Variants in MOB3B observed in about 807,000 individuals in gnomAD.
MOB3B encodes the protein MOB kinase activator 3B, also known as MOB kinase activator-like 2B.
A neutral mutation model predicts 18.7 loss-of-function variants in MOB3B; 7 were observed. The observed-to-expected ratio is 0.37, with a 90% confidence interval of 0.21 to 0.70. The LOEUF (loss-of-function observed/expected upper bound fraction) is 0.70, where lower values mean the gene tolerates loss of function less well. Among genes scored for constraint, MOB3B ranks in the 30% least tolerant of loss-of-function variants. MOB3B has a pLI of 0.52. For synonymous variants in MOB3B, 111 were observed against 99.9 expected, an observed-to-expected ratio of 1.11 and a Z score of -0.66; for missense variants, 253 against 281.3, an observed-to-expected ratio of 0.90 and a Z score of 0.72.
At chr9:27,389,700 A>C (rs1013785094) in intron 2 of MOB3B, among the ~76,000 whole-genome samples, 11 of 152,190 alleles carry the variant, frequency 7.2e-5, no homozygotes, top group African/African-American at 2.4e-4. Context: ...TTTATTCATT[A>C]ATGTATATGC....
intron 2 of MOB3B, among the ~76,000 whole-genome samples, chr9:27,386,916 G>A (rs1110156): frequency 0.016 from 2,461 of 152,256 alleles, 59 homozygotes; most frequent in East Asian, 0.12. Flanking sequence ...GCATGTGAAC[G>A]CAGCACACCT....
rs12552935 is a variant in MOB3B at position 27,506,275 on chromosome 9, G to T, written c.-199+23280C>A. ...TTTATTTAATATCCCCAATTAAGAG[G>T]CTTTTAATTCATGTTTAACATATTT... On this transcript the variant is annotated intron_variant, in intron 1 of 3. Transcript: ENST00000262244. 8.4e-3 allele frequency among the ~76,000 whole-genome samples: 1,274 copies of T among 152,130 alleles called. 13 individuals carry two copies. Among genetic ancestry groups the T allele is most frequent in the Non-Finnish European group, 0.014 (966 of 67,992 alleles).
chr9:27,438,453 A>G (rs1339165846), intron 2 of MOB3B, among the ~76,000 whole-genome samples: 1 of 152,202 alleles, frequency 6.6e-6, no homozygotes, highest in Non-Finnish European at 1.5e-5. Context: ...CAAGAGGATG[A>G]GGCAGGTGCC....
chr9:27,368,273 C>T (rs935585443), intron 2 of MOB3B, among the ~76,000 whole-genome samples: 1 of 151,892 alleles, frequency 6.6e-6, no homozygotes, highest in Non-Finnish European at 1.5e-5. Flanking sequence ...TTCTCTTGCC[C>T]CTTCATCCAT....
intron 3 of MOB3B, chr9:27,358,742 T>A (rs1821228756): frequency 1.7e-6 from 1 of 587,548 alleles, no homozygotes; most frequent in Admixed American, 2.0e-5. Context: ...ATTCAATAAG[T>A]GGAAGAATGA....
At position 27,444,187 on chromosome 9, in the gene MOB3B, GAAA is replaced by G. The variant is rs1563870128; in HGVS notation, c.418+10943_418+10945del. ...GGAAGGAAGGAAAGAAGGAAGGAAA[GAAA>G]GAAAGAAAGAAAAAGAAAGAAAGAA... is the stretch of plus-strand genomic sequence containing the variant. On this transcript the variant is annotated intron_variant, in intron 2 of 3. Transcript: ENST00000262244. 5.0e-3 allele frequency among the ~76,000 whole-genome samples: 703 copies of G among 140,554 alleles called. 6 individuals are homozygous for G. The highest frequency in any genetic ancestry group is 0.018 in the African/African-American group (686 of 37,808). 92.2% of individuals were successfully genotyped at this position (140,554 alleles called of 152,430 possible).
At chr9:27,337,257 G>A (rs972202463) in intron 3 of MOB3B, among the ~76,000 whole-genome samples, 2 of 152,238 alleles carry the variant, frequency 1.3e-5, no homozygotes, top group African/African-American at 4.8e-5. Context: ...CTTTCTGGAA[G>A]CCTTTCGTCT....
At chr9:27,509,049 C>T (rs531269068) in intron 1 of MOB3B, among the ~76,000 whole-genome samples, 1 of 152,318 alleles carries the variant, frequency 6.6e-6, no homozygotes, top group South Asian at 2.1e-4. Flanking sequence ...TGATCATCCA[C>T]ATGCCACAGA....
chr9:27,376,673 G>A (rs1298512945), intron 2 of MOB3B, among the ~76,000 whole-genome samples: 2 of 152,198 alleles, frequency 1.3e-5, no homozygotes, highest in Admixed American at 1.3e-4. Flanking sequence ...GTACAGCCCT[G>A]GTTGAGAAAT....
At chr9:27,523,574 G>T (rs1169768924) in intron 1 of MOB3B, among the ~76,000 whole-genome samples, 1 of 152,140 alleles carries the variant, frequency 6.6e-6, no homozygotes, top group African/African-American at 2.4e-5. Context: ...TTTAAGAAAG[G>T]TATCAGAGGC....
At chr9:27,379,149 G>C (rs991124359) in intron 2 of MOB3B, among the ~76,000 whole-genome samples, 1 of 152,188 alleles carries the variant, frequency 6.6e-6, no homozygotes, top group Non-Finnish European at 1.5e-5. Context: ...ATTCAGGCAA[G>C]GGAAGATGGT....
intron 1 of MOB3B, among the ~76,000 whole-genome samples, chr9:27,472,678 TA>T (rs56092176): frequency 0.051 from 5,003 of 98,790 alleles, 278 homozygotes; most frequent in African/African-American, 0.16. Flanking sequence ...CACTTTATTC[TA>T]AAAAAAAAAA....
chr9:27,366,533 G>A (rs75123642), intron 2 of MOB3B, among the ~76,000 whole-genome samples: 2 of 152,210 alleles, frequency 1.3e-5, no homozygotes, highest in East Asian at 3.9e-4. Context: ...TGTTATGGAG[G>A]CCAAAAAAGG....
At chr9:27,360,259 T>A (rs1020075480) in intron 2 of MOB3B, among the ~76,000 whole-genome samples, 3 of 152,142 alleles carry the variant, frequency 2.0e-5, no homozygotes, top group Non-Finnish European at 4.4e-5. Flanking sequence ...ATTCCAGCAC[T>A]TTGGGAGGCT....
intron 2 of MOB3B, among the ~76,000 whole-genome samples, chr9:27,428,844 T>C (rs1258406144): frequency 6.6e-6 from 1 of 152,208 alleles, no homozygotes. Flanking sequence ...GGTTGCTTTG[T>C]ATTTTGGCAC....
chr9:27,443,048 G>C (rs1179879533), intron 2 of MOB3B, among the ~76,000 whole-genome samples: 1 of 152,160 alleles, frequency 6.6e-6, no homozygotes, highest in South Asian at 2.1e-4. Flanking sequence ...ATTACCTACA[G>C]AGCTTTAAAA....
chr9:27,525,068 A>C, intron 1 of MOB3B: 2 of 958,872 alleles, frequency 2.1e-6, no homozygotes, highest in Non-Finnish European at 3.0e-6. Context: ...GCCTGTCCTC[A>C]GTTGGACTGG....
chr9:27,442,222 A>T (rs1046363527), intron 2 of MOB3B, among the ~76,000 whole-genome samples: 13 of 152,202 alleles, frequency 8.5e-5, no homozygotes, highest in Non-Finnish European at 1.9e-4. Context: ...TACACAAAAG[A>T]TCAGGATTTT....
At chr9:27,414,251 T>C (rs1477084946) in intron 2 of MOB3B, among the ~76,000 whole-genome samples, 1 of 152,210 alleles carries the variant, frequency 6.6e-6, no homozygotes, top group East Asian at 1.9e-4. Flanking sequence ...TGATTGTGAA[T>C]AGCCATGATT....
Sources: gnomAD v4.1 joint callset for allele counts (sites outside exome capture counted in the v4.1 genomes callset) on GRCh38, gnomAD v4.1.1 for gene constraint, MANE v1.5 for transcripts, NCBI Gene and HGNC (gene_info 2026-07-23, HGNC 2026-07-21) for gene names.